TYW1: variants seen among roughly 807,000 people sequenced by gnomAD.
TYW1 encodes S-adenosyl-L-methionine-dependent tRNA 4-demethylwyosine synthase TYW1.
Under a neutral mutation model 96.2 loss-of-function variants are expected in TYW1, and 46 were observed. The observed-to-expected ratio is 0.48, with a 90% CI of 0.38 to 0.61. The LOEUF (loss-of-function observed/expected upper bound fraction) is 0.61, where lower values mean the gene tolerates loss of function less well. Among genes scored for constraint, TYW1 ranks in the 20% least tolerant of loss-of-function variants. The probability of loss-of-function intolerance (pLI) is 0.00; values close to 1 mark genes in which losing one functional copy is unlikely to be tolerated. For synonymous variants in TYW1, 274 were observed against 323.0 expected, an observed-to-expected ratio of 0.85 and a Z score of 1.63; for missense variants, 684 against 909.6, an observed-to-expected ratio of 0.75 and a Z score of 3.19.
At chr7:67,216,140 G>C (rs954746893) in intron 15 of TYW1, among the ~76,000 whole-genome samples, 11 of 150,782 alleles carry the variant, frequency 7.3e-5, no homozygotes, top group Non-Finnish European at 1.5e-4. Context: ...GCTCATAATA[G>C]GAGATAGGGA....
intron 15 of TYW1, among the ~76,000 whole-genome samples, chr7:67,210,764 G>GTCCGTCCATCCA (rs143928226): frequency 1.4e-5 from 2 of 143,984 alleles, no homozygotes; most frequent in African/African-American, 2.6e-5. Context: ...TCGTCTGTCC[G>GTCCGTCCATCCA]TCCATCCATC....
At chr7:67,054,457 G>A (rs1050025578) in intron 8 of TYW1, among the ~76,000 whole-genome samples, 3 of 152,196 alleles carry the variant, frequency 2.0e-5, no homozygotes, top group Non-Finnish European at 4.4e-5. Flanking sequence ...TGGTATCAGA[G>A]ATGAGTTACT....
At chr7:67,182,419 C>T (rs575968108) in intron 13 of TYW1, among the ~76,000 whole-genome samples, 5 of 152,220 alleles carry the variant, frequency 3.3e-5, no homozygotes, top group East Asian at 1.9e-4. Context: ...TTAAACTTAG[C>T]CAGGCGTGAT....
intron 15 of TYW1, among the ~76,000 whole-genome samples, chr7:67,209,596 A>G (rs1305431712): frequency 6.6e-6 from 1 of 152,118 alleles, no homozygotes; most frequent in African/African-American, 2.4e-5. Flanking sequence ...TTTTTGAGAC[A>G]GAGTCTTACT....
At chr7:67,038,796 C>T (rs1429550025) in intron 7 of TYW1, among the ~76,000 whole-genome samples, 3 of 151,640 alleles carry the variant, frequency 2.0e-5, no homozygotes, top group East Asian at 2.0e-4. Flanking sequence ...CCCAGCTACT[C>T]GGGAGGTTGA....
At chr7:67,228,388 A>G (rs1801633402) in intron 15 of TYW1, among the ~76,000 whole-genome samples, 1 of 152,194 alleles carries the variant, frequency 6.6e-6, no homozygotes, top group African/African-American at 2.4e-5. Context: ...TCTCAAGAAC[A>G]GCACAGGAAA....
intron 12 of TYW1, among the ~76,000 whole-genome samples, chr7:67,115,564 A>G (rs1797567827): frequency 6.6e-6 from 1 of 152,126 alleles, no homozygotes; most frequent in Non-Finnish European, 1.5e-5. Context: ...TGATTTTTCT[A>G]TATATCACTA....
In TYW1 at chr7:67,018,150, C is replaced by T. The variant is rs375377246; in HGVS notation, c.861+7C>T. 4.4e-5 allele frequency: 71 copies of T among 1,609,062 alleles called. 1 individual carries two copies. Among genetic ancestry groups the T allele is most frequent in the South Asian group, 1.6e-4 (15 of 90,910 alleles). On this transcript the variant is annotated splice_region_variant and intron_variant, in intron 6 of 15. Coordinates refer to ENST00000359626, the MANE Select transcript of TYW1 (RefSeq NM_018264.4). ...GCATCATAGAGACACCGAGGTATAC[C>T]GCCTGTGTGTTCATCTCTCGAGGCT...
intron 1 of TYW1, among the ~76,000 whole-genome samples, chr7:66,997,711 T>C (rs1407909640): frequency 3.0e-5 from 4 of 132,986 alleles, no homozygotes; most frequent in Admixed American, 1.9e-4. Context: ...TCACTGCAAC[T>C]TCTCCCTCCC....
intron 7 of TYW1, among the ~76,000 whole-genome samples, chr7:67,048,534 A>G (rs1746092393): frequency 6.6e-6 from 1 of 152,136 alleles, no homozygotes; most frequent in African/African-American, 2.4e-5. Flanking sequence ...AGATATCCCT[A>G]AAAATGTACA....
At chr7:67,136,524 G>A (rs1798259196) in intron 13 of TYW1, among the ~76,000 whole-genome samples, 1 of 151,888 alleles carries the variant, frequency 6.6e-6, no homozygotes, top group Non-Finnish European at 1.5e-5. Context: ...TTTAATCATT[G>A]TAATTAATAA....
In TYW1 at chr7:67,091,371, A is replaced by G. The variant is rs1485854804; in HGVS notation, c.1385-7170A>G. Among the ~76,000 whole-genome samples, 10 of 138,384 alleles carry G rather than the reference A, an allele frequency of 7.2e-5. No homozygotes were observed. In the Admixed American group the frequency reaches 7.7e-4, roughly 11 times the overall value. The allele number at this position is 138,384 out of a possible 152,430, so 90.8% of individuals were successfully genotyped here. A position where few individuals can be genotyped will look rare whatever the true frequency, so the allele number is the denominator to read the frequency against. ...TAGGTGGGAACTGAACAATGAGAACACTTAGACATAGGAAGGGGAACATCA... is the reference window on the plus strand; with the variant it reads ...TAGGTGGGAACTGAACAATGAGAACGCTTAGACATAGGAAGGGGAACATCA... On this transcript the variant is annotated intron_variant, in intron 11 of 15. Coordinates refer to ENST00000359626, the MANE Select transcript of TYW1 (RefSeq NM_018264.4).
At chr7:67,101,182 T>C (rs1380541808) in intron 12 of TYW1, among the ~76,000 whole-genome samples, 2 of 152,192 alleles carry the variant, frequency 1.3e-5, no homozygotes, top group Non-Finnish European at 2.9e-5. Context: ...AATGTGCTTA[T>C]TAAGGCCCAC....
At chr7:67,223,792 C>T (rs1354519880) in intron 15 of TYW1, among the ~76,000 whole-genome samples, 3 of 151,748 alleles carry the variant, frequency 2.0e-5, no homozygotes, top group Admixed American at 6.6e-5. Context: ...GGACTGGTAG[C>T]GGCTTTGGAG....
chr7:67,010,520 G>A (rs1010890234), intron 4 of TYW1, among the ~76,000 whole-genome samples: 4 of 150,478 alleles, frequency 2.7e-5, no homozygotes, highest in Non-Finnish European at 5.9e-5. Context: ...CTGTCACCCA[G>A]GCTGGAGTGT....
intron 12 of TYW1, 116 bp from the exon 13 acceptor site, chr7:67,117,367 C>CTT (rs2115975761): frequency 8.2e-7 from 1 of 1,213,346 alleles, no homozygotes; most frequent in African/African-American, 1.6e-5. Flanking sequence ...GTGGAAGTCT[C>CTT]TAGACCCAGT....
At position 67,017,871 on chromosome 7, in the gene TYW1, A is replaced by G; in HGVS notation, c.589A>G (p.Lys197Glu). 1 of 1,611,784 alleles carries G rather than the reference A, an allele frequency of 6.2e-7. No individual in the cohort carries two copies. The highest frequency in any genetic ancestry group is 8.5e-7 in the Non-Finnish European group (1 of 1,178,004). The stretch of plus-strand genomic sequence containing the variant: ...CTCACAGGTTGGCAAAAATGTTGAC[A>G]AGTGGCTCTGGATGCTTGGCGCGCA... ...HFNKVGKNVD[K>E]WLWMLGAHRV... is the part of the protein sequence containing the mutation. The change falls in exon 6 of 16, where the codon AAG becomes GAG. Residue 197 changes from lysine to glutamate, a missense_variant. Coordinates refer to ENST00000359626, the MANE Select transcript of TYW1 (RefSeq NM_018264.4).
At chr7:67,220,990 G>A (rs1584713316) in intron 15 of TYW1, among the ~76,000 whole-genome samples, 1 of 152,136 alleles carries the variant, frequency 6.6e-6, no homozygotes, top group South Asian at 2.1e-4. Flanking sequence ...GCCTCCCAAA[G>A]TGCTGGGTTT....
intron 13 of TYW1, among the ~76,000 whole-genome samples, chr7:67,145,220 C>G (rs1305971388): frequency 7.0e-6 from 1 of 141,968 alleles, no homozygotes; most frequent in African/African-American, 2.7e-5. Flanking sequence ...ATGATCTTGG[C>G]TCACTGCAAG....
Sources: allele counts gnomAD v4.1 joint callset (sites outside exome capture counted in the v4.1 genomes callset), GRCh38; gene constraint gnomAD v4.1.1; transcripts MANE v1.5; gene names NCBI Gene and HGNC (gene_info 2026-07-23, HGNC 2026-07-21).